Variants in SFMBT2 observed in about 807,000 individuals in gnomAD.
SFMBT2 encodes scm-like with four MBT domains protein 2.
SFMBT2 carries 38 observed loss-of-function variants against 110.1 expected under a neutral mutation model. The observed-to-expected ratio is 0.35, with a 90% CI of 0.27 to 0.45. SFMBT2 has a LOEUF of 0.45. SFMBT2 is among the 20% of genes least tolerant of loss of function. SFMBT2 has a pLI of 1.00. For synonymous variants in SFMBT2, 425 were observed against 425.4 expected, an observed-to-expected ratio of 1.00 and a Z score of 0.01; for missense variants, 1,011 against 1,094.9, an observed-to-expected ratio of 0.92 and a Z score of 1.08.
chr10:7,267,886 G>A (rs1841446750), intron 7 of SFMBT2, among the ~76,000 whole-genome samples: 1 of 152,162 alleles, frequency 6.6e-6, no homozygotes, highest in Non-Finnish European at 1.5e-5. Context: ...AACAAAGTAA[G>A]CTAGAGAGCT....
intron 9 of SFMBT2, chr10:7,241,407 G>A (rs1364076000): frequency 1.2e-6 from 1 of 856,984 alleles, no homozygotes; most frequent in Non-Finnish European, 1.4e-6. Context: ...TACTTGATGT[G>A]TAGTATGTAT....
intron 10 of SFMBT2, among the ~76,000 whole-genome samples, chr10:7,221,701 TTTTTGTTTATTGCTAA>T (rs1839746943): frequency 6.6e-6 from 1 of 152,236 alleles, no homozygotes; most frequent in African/African-American, 2.4e-5. Flanking sequence ...TCCTTTGTTC[TTTTTGTTTATTGCTAA>T]TTTTGTTTAT....
intron 15 of SFMBT2, among the ~76,000 whole-genome samples, chr10:7,192,709 C>G (rs951753791): frequency 9.2e-5 from 14 of 152,186 alleles, no homozygotes; most frequent in African/African-American, 2.9e-4. Context: ...CCAGGTCCCA[C>G]TGGAAAGATC....
intron 9 of SFMBT2, among the ~76,000 whole-genome samples, chr10:7,233,245 G>A (rs976282170): frequency 6.6e-6 from 1 of 152,206 alleles, no homozygotes; most frequent in African/African-American, 2.4e-5. Context: ...TGTTTGTGGT[G>A]GGAGTGGAAC....
At chr10:7,264,589 G>A (rs986781024) in intron 7 of SFMBT2, among the ~76,000 whole-genome samples, 1 of 152,068 alleles carries the variant, frequency 6.6e-6, no homozygotes, top group Non-Finnish European at 1.5e-5. Context: ...AGTGTCCTGG[G>A]CATATGACTC....
chr10:7,392,945 T>C (rs925369189), intron 1 of SFMBT2, among the ~76,000 whole-genome samples: 2 of 145,130 alleles, frequency 1.4e-5, no homozygotes, highest in African/African-American at 2.5e-5. Flanking sequence ...TAGATGTTTA[T>C]ATCCTGTCTA....
intron 11 of SFMBT2, chr10:7,206,221 A>C (rs1462608763): frequency 1.0e-6 from 1 of 985,286 alleles, no homozygotes; most frequent in Non-Finnish European, 1.2e-6. Context: ...AGGAAGAAGG[A>C]CCGTAGGAAA....
Position 7,342,026 on chromosome 10 carries a change from C to T in SFMBT2, c.436+25623G>A, listed in dbSNP as rs551663367. Reference sequence around the variant, plus strand: ...AATGAAGAGTTGAGAAGTTGAAGACCTTCATTAATTCCTTTTTCCTTCTTA... The same window carrying T: ...AATGAAGAGTTGAGAAGTTGAAGACTTTCATTAATTCCTTTTTCCTTCTTA... On this transcript the variant is annotated intron_variant, in intron 4 of 20. Transcript: ENST00000397167. 5.3e-5 allele frequency among the ~76,000 whole-genome samples: 8 copies of T among 151,854 alleles called. No homozygotes were observed. In the South Asian group the frequency reaches 1.2e-3, roughly 24 times the overall value.
intron 11 of SFMBT2, among the ~76,000 whole-genome samples, chr10:7,212,868 G>A (rs747749140): frequency 2.0e-5 from 3 of 152,128 alleles, no homozygotes; most frequent in Non-Finnish European, 4.4e-5. Flanking sequence ...AAGAAACTGT[G>A]GCACACATAC....
At chr10:7,328,820 A>G (rs566892631) in intron 4 of SFMBT2, among the ~76,000 whole-genome samples, 4 of 152,356 alleles carry the variant, frequency 2.6e-5, no homozygotes, top group Admixed American at 1.3e-4. Flanking sequence ...ACCAAAAAAA[A>G]GTGTAAGAAC....
chr10:7,181,855 C>G (rs1439348783), intron 16 of SFMBT2, among the ~76,000 whole-genome samples: 1 of 152,098 alleles, frequency 6.6e-6, no homozygotes, highest in Non-Finnish European at 1.5e-5. Context: ...AAAGACAGCT[C>G]TAAGAGTTTA....
intron 2 of SFMBT2, among the ~76,000 whole-genome samples, chr10:7,378,684 GTGGA>G (rs928520744): frequency 2.7e-5 from 4 of 149,794 alleles, no homozygotes; most frequent in African/African-American, 9.8e-5. Context: ...GTGTGGATGG[GTGGA>G]TGGTCGGGTG....
At chr10:7,245,757 C>A (rs770959147) in intron 8 of SFMBT2, among the ~76,000 whole-genome samples, 3 of 152,208 alleles carry the variant, frequency 2.0e-5, no homozygotes, top group Admixed American at 1.3e-4. Flanking sequence ...CACACCCTGG[C>A]TGGACTGCTG....
intron 17 of SFMBT2, among the ~76,000 whole-genome samples, chr10:7,173,193 T>A (rs770146206): frequency 2.0e-5 from 3 of 152,214 alleles, no homozygotes; most frequent in Non-Finnish European, 4.4e-5. Flanking sequence ...AAGCCAGAGC[T>A]GACTTCTGCA....
chr10:7,395,444 CT>C (rs1392744121), intron 1 of SFMBT2, among the ~76,000 whole-genome samples: 2 of 152,232 alleles, frequency 1.3e-5, no homozygotes, highest in African/African-American at 4.8e-5. Context: ...TGGTGGCACC[CT>C]AGTGGTGAGT....
chr10:7,337,185 T>C (rs1843741809), intron 4 of SFMBT2, among the ~76,000 whole-genome samples: 1 of 152,204 alleles, frequency 6.6e-6, no homozygotes, highest in African/African-American at 2.4e-5. Context: ...GGATGCAAAA[T>C]GCCATGGTAG....
intron 4 of SFMBT2, among the ~76,000 whole-genome samples, chr10:7,343,221 C>CT (rs34301294): frequency 0.03 from 4,338 of 145,266 alleles, 84 homozygotes; most frequent in Admixed American, 0.061. Context: ...CATGATCTTG[C>CT]TTTTTTTTTT....
At position 7,285,819 on chromosome 10, in the gene SFMBT2, A is replaced by C. The variant is rs776332094; in HGVS notation, c.525+47T>G. ...GTGCTGTCAGGTCTGAGCTCACGTAACTGGGGTGCTTCAGAGATACATTAG... is the reference window on the plus strand; with the variant it reads ...GTGCTGTCAGGTCTGAGCTCACGTACCTGGGGTGCTTCAGAGATACATTAG... On this transcript the variant is annotated intron_variant, in intron 5 of 20. Coordinates refer to ENST00000397167, the MANE Select transcript of SFMBT2 (RefSeq NM_001387889.1). 7 of 850,568 alleles carry C rather than the reference A, an allele frequency of 8.2e-6. No homozygotes were observed. The Admixed American group carries it at 1.0e-4, about 12-fold the overall frequency. The allele number at this position is 850,568 out of a possible 1,614,324, so 52.7% of individuals were successfully genotyped here.
chr10:7,362,780 C>T (rs1844765517), intron 4 of SFMBT2, among the ~76,000 whole-genome samples: 1 of 152,226 alleles, frequency 6.6e-6, no homozygotes, highest in Non-Finnish European at 1.5e-5. Context: ...CCCAGGCATA[C>T]ACCGTAACTT....
Sources: gnomAD v4.1 joint callset for allele counts (sites outside exome capture counted in the v4.1 genomes callset) on GRCh38, gnomAD v4.1.1 for gene constraint, MANE v1.5 for transcripts, NCBI Gene and HGNC (gene_info 2026-07-23, HGNC 2026-07-21) for gene names.